The following DPP10 variants were observed in gnomAD, a reference collection of about 807,000 sequenced individuals.
DPP10 encodes dipeptidyl peptidase like 10.
Under a neutral mutation model 120.9 loss-of-function variants are expected in DPP10, and 33 were observed. That is an observed-to-expected ratio of 0.27 (90% CI 0.21 to 0.37). The LOEUF (loss-of-function observed/expected upper bound fraction) is 0.37. DPP10 is among the 10% of genes least tolerant of loss of function. The probability of loss-of-function intolerance (pLI) is 1.00; values close to 1 mark genes in which losing one functional copy is unlikely to be tolerated. For synonymous variants in DPP10, 337 were observed against 326.1 expected (o/e 1.03, Z -0.36); for missense variants, 816 against 942.8 (o/e 0.87, Z 1.76).
intron 1 of DPP10, among the ~76,000 whole-genome samples, chr2:115,301,724 A>T (rs1414289719): frequency 6.6e-6 from 1 of 151,944 alleles, no homozygotes; most frequent in Non-Finnish European, 1.5e-5. Context: ...TTCTGATATC[A>T]AATCTGTTTG....
At chr2:115,227,651 A>G (rs1205277327) in intron 1 of DPP10, among the ~76,000 whole-genome samples, 1 of 152,120 alleles carries the variant, frequency 6.6e-6, no homozygotes, top group Non-Finnish European at 1.5e-5. Context: ...ATTGTTATAT[A>G]AATAAAATCA....
In DPP10 at chr2:115,146,387, T is replaced by G. The variant is rs141932211; in HGVS notation, c.61-162852T>G. On this transcript the variant is annotated intron_variant, in intron 1 of 25. Coordinates refer to ENST00000410059, the MANE Select transcript of DPP10 (RefSeq NM_020868.6). Reference sequence around the variant, plus strand: ...AGTCCAAGTAGCAGTTTTGATACTTTGTTTCTATCTTGTATCATGTATTTC... The same window carrying G: ...AGTCCAAGTAGCAGTTTTGATACTTGGTTTCTATCTTGTATCATGTATTTC... 3.1e-3 allele frequency among the ~76,000 whole-genome samples: 478 copies of G among 152,276 alleles called. 11 individuals are homozygous for G. The highest frequency in any genetic ancestry group is 0.011 in the African/African-American group (446 of 41,580).
chr2:114,748,457 G>C (rs1365598966), intron 1 of DPP10, among the ~76,000 whole-genome samples: 1 of 139,958 alleles, frequency 7.1e-6, no homozygotes, highest in Non-Finnish European at 1.5e-5. Flanking sequence ...CATTGTGCAG[G>C]TTAGTTACAT....
chr2:114,529,361 C>A (rs1382952956), intron 1 of DPP10, among the ~76,000 whole-genome samples: 2 of 152,128 alleles, frequency 1.3e-5, no homozygotes, highest in African/African-American at 4.8e-5. Context: ...AGAGAGTGGT[C>A]TTTTAAAGGG....
intron 1 of DPP10, among the ~76,000 whole-genome samples, chr2:115,025,054 A>G (rs1415185227): frequency 6.7e-6 from 1 of 149,904 alleles, no homozygotes; most frequent in Non-Finnish European, 1.5e-5. Context: ...TGAATGTACA[A>G]TAGATTAATG....
chr2:115,407,326 C>T (rs1181662488), intron 3 of DPP10, among the ~76,000 whole-genome samples: 1 of 152,196 alleles, frequency 6.6e-6, no homozygotes, highest in Non-Finnish European at 1.5e-5. Flanking sequence ...CCTCCTGTCT[C>T]TATCATTCCC....
At chr2:114,696,510 G>C (rs1474246343) in intron 1 of DPP10, among the ~76,000 whole-genome samples, 1 of 152,018 alleles carries the variant, frequency 6.6e-6, no homozygotes, top group Non-Finnish European at 1.5e-5. Flanking sequence ...GCCTATGGCT[G>C]TTTGGCTCTT....
chr2:115,661,841 C>T (rs66483222), intron 5 of DPP10, among the ~76,000 whole-genome samples: 14,226 of 152,170 alleles, frequency 0.093, 729 homozygotes, highest in South Asian at 0.14. Flanking sequence ...CTTCTATCAC[C>T]TCCTGTAGTT....
At chr2:115,545,467 C>T (rs2079442473) in intron 5 of DPP10, among the ~76,000 whole-genome samples, 1 of 152,026 alleles carries the variant, frequency 6.6e-6, no homozygotes, top group African/African-American at 2.4e-5. Context: ...GGCATCAAAA[C>T]TGTTATGAAG....
At chr2:114,993,488 T>C (rs1282473307) in intron 1 of DPP10, among the ~76,000 whole-genome samples, 1 of 150,080 alleles carries the variant, frequency 6.7e-6, no homozygotes, top group Non-Finnish European at 1.5e-5. Flanking sequence ...TTAGATAAAA[T>C]TAATAAACTG....
chr2:115,382,418 C>T (rs962829824), intron 3 of DPP10, among the ~76,000 whole-genome samples: 13 of 152,196 alleles, frequency 8.5e-5, no homozygotes, highest in Non-Finnish European at 1.3e-4. Flanking sequence ...TGCTTCGGCT[C>T]GCGCACAGTG....
At chr2:114,938,727 C>A (rs1422110465) in intron 1 of DPP10, among the ~76,000 whole-genome samples, 1 of 92,202 alleles carries the variant, frequency 1.1e-5, no homozygotes, top group Non-Finnish European at 2.0e-5. Context: ...TACACTTTGT[C>A]CCTTTTTTTT....
intron 1 of DPP10, among the ~76,000 whole-genome samples, chr2:115,086,028 A>G (rs1466459786): frequency 6.6e-6 from 1 of 152,170 alleles, no homozygotes; most frequent in African/African-American, 2.4e-5. Flanking sequence ...GAAAATCAAA[A>G]TATTTCACCC....
intron 3 of DPP10, among the ~76,000 whole-genome samples, chr2:115,489,871 G>A (rs1354153811): frequency 6.6e-6 from 1 of 152,054 alleles, no homozygotes; most frequent in African/African-American, 2.4e-5. Flanking sequence ...CAACTTTAAT[G>A]TCTGAAAAGA....
At chr2:114,614,221 C>T (rs1333823813) in intron 1 of DPP10, among the ~76,000 whole-genome samples, 1 of 152,174 alleles carries the variant, frequency 6.6e-6, no homozygotes, top group East Asian at 1.9e-4. Flanking sequence ...TACTCCACAT[C>T]ACCGGATTTT....
intron 1 of DPP10, among the ~76,000 whole-genome samples, chr2:114,668,787 G>A (rs1026343967): frequency 5.9e-5 from 9 of 152,186 alleles, no homozygotes; most frequent in African/African-American, 1.9e-4. Flanking sequence ...TCTGTGGAAT[G>A]TTCCCTCCTC....
At chr2:115,483,429 A>G (rs184673747) in intron 3 of DPP10, among the ~76,000 whole-genome samples, 3,656 of 149,214 alleles carry the variant, frequency 0.025, 152 homozygotes, top group African/African-American at 0.085. Context: ...TGATATGTCT[A>G]TCTGTCTGTC....
chr2:115,821,210 C>T (rs1687785590), intron 21 of DPP10, among the ~76,000 whole-genome samples: 1 of 152,050 alleles, frequency 6.6e-6, no homozygotes, highest in Admixed American at 6.6e-5. Context: ...TAAAGTATCC[C>T]TTTATAATGT....
chr2:114,577,117 G>A (rs1227963204), intron 1 of DPP10, among the ~76,000 whole-genome samples: 2 of 152,188 alleles, frequency 1.3e-5, no homozygotes, highest in East Asian at 3.9e-4. Context: ...CTGCAGAATG[G>A]TGATATGTAT....
Sources: allele counts gnomAD v4.1 joint callset (sites outside exome capture counted in the v4.1 genomes callset), GRCh38; gene constraint gnomAD v4.1.1; transcripts MANE v1.5; gene names NCBI Gene and HGNC (gene_info 2026-07-23, HGNC 2026-07-21).